MTDH: variants seen among roughly 807,000 people sequenced by gnomAD.
MTDH encodes the protein metadherin, also known as protein LYRIC.
MTDH carries 34 observed loss-of-function variants against 72.7 expected under a neutral mutation model. The observed-to-expected ratio is 0.47, with a 90% CI of 0.36 to 0.62. MTDH has a LOEUF of 0.62. MTDH is among the 20% of genes least tolerant of loss of function. The pLI is 0.00. For missense variants in MTDH, 677 were observed against 699.4 expected (o/e 0.97, Z 0.36); for synonymous variants, 266 against 268.9 (o/e 0.99, Z 0.10).
At chr8:97,645,235 G>A (rs1488902598) in intron 1 of MTDH, among the ~76,000 whole-genome samples, 1 of 152,172 alleles carries the variant, frequency 6.6e-6, no homozygotes, top group Non-Finnish European at 1.5e-5. Context: ...GGCTGCATGT[G>A]GAGCGTAATG....
intron 6 of MTDH, 108 bp downstream of exon 6, chr8:97,691,296 T>A (rs1305246183): frequency 1.1e-5 from 8 of 739,854 alleles, no homozygotes; most frequent in Admixed American, 6.0e-5. Flanking sequence ...TAAGTACTGC[T>A]CTGCAGAAAT....
At chr8:97,724,481 C>T (rs1192929857) in intron 11 of MTDH, 119 bp from the exon 12 acceptor site, 1 of 663,688 alleles carries the variant, frequency 1.5e-6, no homozygotes, top group Non-Finnish European at 2.5e-6. Context: ...AAAACTTAAA[C>T]ATAAAATTTG....
chr8:97,670,247 C>A (rs118147071), intron 2 of MTDH, among the ~76,000 whole-genome samples: 3 of 152,170 alleles, frequency 2.0e-5, no homozygotes, highest in Non-Finnish European at 4.4e-5. Context: ...ACTCCGGAGG[C>A]GGAGCCTGTA....
chr8:97,681,633 A>ACAGG (rs1240640369), intron 2 of MTDH, among the ~76,000 whole-genome samples: 2 of 150,958 alleles, frequency 1.3e-5, no homozygotes, highest in Non-Finnish European at 2.9e-5. Flanking sequence ...AGCTGTGATT[A>ACAGG]CAGGCATGCA....
rs201911017 is a variant in MTDH at position 97,706,488 on chromosome 8, T to TC, written c.1148-137dup. ...TTGTTACCTTCATGTTATTTTTTTT[T>TC]CTGGCTCTTAAAATGTGCTTGGGAG... On this transcript the variant is annotated intron_variant, in intron 7 of 11. Transcript: ENST00000336273. The TC allele has an allele frequency of 1.9e-3, 1,259 of 653,602 alleles. 10 individuals carry two copies. In the African/African-American group the frequency reaches 0.02, roughly 11 times the overall value. 40.5% of individuals were successfully genotyped at this position (653,602 alleles called of 1,614,324 possible). A position where few individuals can be genotyped will look rare whatever the true frequency, so the allele number is the denominator to read the frequency against.
chr8:97,682,552 T>C (rs2917962), intron 2 of MTDH, among the ~76,000 whole-genome samples: 72,793 of 150,652 alleles, frequency 0.48, 20,932 homozygotes, highest in African/African-American at 0.8. Context: ...CTGCCTGCCT[T>C]GGCCTCCCAA....
At position 97,675,766 on chromosome 8, in the gene MTDH, G is replaced by A. The variant is rs529769324; in HGVS notation, c.484-10902G>A. On this transcript the variant is annotated intron_variant, in intron 2 of 11. Coordinates refer to ENST00000336273, the MANE Select transcript of MTDH (RefSeq NM_178812.4). ...GTATGCCTGTAGTCCCAGCTCCTTC[G>A]GAGGCTGAGGTGAGAGGATGGCTTA... is the stretch of plus-strand genomic sequence containing the variant. Among the ~76,000 whole-genome samples the A allele has an allele frequency of 1.7e-4, 25 of 151,200 alleles. No individual in the cohort carries two copies. The East Asian group carries it at 2.5e-3, about 15-fold the overall frequency.
intron 2 of MTDH, among the ~76,000 whole-genome samples, chr8:97,673,058 A>G (rs1194990081): frequency 1.3e-5 from 2 of 152,176 alleles, no homozygotes; most frequent in Non-Finnish European, 2.9e-5. Flanking sequence ...AGGCTCTTTC[A>G]TTGGTTACTC....
intron 8 of MTDH, 57 bp downstream of exon 8, chr8:97,706,807 C>G: frequency 1.3e-6 from 2 of 1,551,614 alleles, no homozygotes; most frequent in East Asian, 2.4e-5. Context: ...AGGCTGGGCA[C>G]AGTGGCTCAC....
At position 97,725,662 on chromosome 8, in the gene MTDH, G is replaced by A. The variant is rs1815323170; in HGVS notation, c.*992G>A. 6.6e-6 allele frequency: 1 copy of A among 152,570 alleles called. No individual in the cohort carries two copies. Among genetic ancestry groups the A allele is most frequent in the African/African-American group, 2.4e-5 (1 of 41,432 alleles). The allele number at this position is 152,570 out of a possible 1,614,324, so 9.5% of individuals were successfully genotyped here. A position where few individuals can be genotyped will look rare whatever the true frequency, so the allele number is the denominator to read the frequency against. On this transcript the variant is annotated 3_prime_UTR_variant, in exon 12 of 12. Transcript: ENST00000336273. ...CATTTTTTTACTGCCTTAACCTGTA[G>A]TGCGTAGAATATGCATCAATTTCTT...
At chr8:97,670,818 G>A (rs1812580978) in intron 2 of MTDH, among the ~76,000 whole-genome samples, 1 of 151,870 alleles carries the variant, frequency 6.6e-6, no homozygotes, top group African/African-American at 2.4e-5. Context: ...GTGCAATGGT[G>A]CAATCTCGGG....
intron 6 of MTDH, among the ~76,000 whole-genome samples, chr8:97,694,998 C>T (rs190795114): frequency 3.9e-4 from 59 of 151,874 alleles, no homozygotes; most frequent in African/African-American, 1.4e-3. Context: ...AATTTCTGTG[C>T]TATAAAGCAT....
intron 9 of MTDH, among the ~76,000 whole-genome samples, chr8:97,715,592 A>G (rs1175295726): frequency 6.6e-6 from 1 of 152,242 alleles, no homozygotes; most frequent in Non-Finnish European, 1.5e-5. Flanking sequence ...AGGTTGTAAC[A>G]TAGCTAAGAT....
chr8:97,645,893 C>T (rs1811547196), intron 1 of MTDH, among the ~76,000 whole-genome samples: 1 of 152,130 alleles, frequency 6.6e-6, no homozygotes, highest in Non-Finnish European at 1.5e-5. Context: ...GAATTAAGAT[C>T]TTCACCTTTT....
At chr8:97,652,943 A>AC (rs1397914697) in intron 1 of MTDH, among the ~76,000 whole-genome samples, 1 of 151,932 alleles carries the variant, frequency 6.6e-6, no homozygotes, top group African/African-American at 2.4e-5. Context: ...ACATGGTGAA[A>AC]CCCCATCTCT....
In MTDH at chr8:97,725,304, T is replaced by C. The variant is rs1161289399; in HGVS notation, c.*634T>C. ...CACTTGTGTATGGCTTATGAAGTTA[T>C]TTTTGATAGTCTTACATTACTTGAA... On this transcript the variant is annotated 3_prime_UTR_variant, in exon 12 of 12. Coordinates refer to ENST00000336273, the MANE Select transcript of MTDH (RefSeq NM_178812.4). 1 of 152,626 alleles carries C rather than the reference T, an allele frequency of 6.6e-6. No homozygotes were observed. Among genetic ancestry groups the C allele is most frequent in the African/African-American group, 2.4e-5 (1 of 41,466 alleles). 9.5% of individuals were successfully genotyped at this position (152,626 alleles called of 1,614,324 possible).
At chr8:97,645,119 A>T (rs1387738372) in intron 1 of MTDH, among the ~76,000 whole-genome samples, 8 of 152,162 alleles carry the variant, frequency 5.3e-5, no homozygotes, top group African/African-American at 1.2e-4. Flanking sequence ...GAAGGAAGTT[A>T]GGAGGTCTGG....
At chr8:97,687,665 A>G (rs1813421201) in intron 4 of MTDH, 60 bp downstream of exon 4, 1 of 1,366,458 alleles carries the variant, frequency 7.3e-7, no homozygotes. Flanking sequence ...ATTCGGATGT[A>G]CAAAATATCA....
intron 7 of MTDH, among the ~76,000 whole-genome samples, chr8:97,702,946 A>G (rs1462504417): frequency 6.6e-6 from 1 of 152,258 alleles, no homozygotes; most frequent in South Asian, 2.1e-4. Flanking sequence ...TTGAAAAGAC[A>G]TTGGCAGACT....
Sources: allele counts gnomAD v4.1 joint callset (sites outside exome capture counted in the v4.1 genomes callset), GRCh38; gene constraint gnomAD v4.1.1; transcripts MANE v1.5; gene names NCBI Gene and HGNC (gene_info 2026-07-23, HGNC 2026-07-21).